NSUN6: variants seen among roughly 807,000 people sequenced by gnomAD.
The protein encoded by NSUN6 is tRNA (cytosine(72)-C(5))-methyltransferase NSUN6.
In NSUN6, 64 loss-of-function variants were observed where a neutral mutation model predicts 58.0. That is an observed-to-expected ratio of 1.10 (90% CI 0.90 to 1.36). The LOEUF is 1.36. NSUN6 is among the 40% of genes most tolerant of loss of function. The pLI is 0.00. For missense variants in NSUN6, 701 were observed against 550.1 expected (o/e 1.27, Z -2.74); for synonymous variants, 231 against 193.9 (o/e 1.19, Z -1.59).
At chr10:18,546,444 C>G (rs891099616) in intron 10 of NSUN6, among the ~76,000 whole-genome samples, 1 of 152,164 alleles carries the variant, frequency 6.6e-6, no homozygotes, top group African/African-American at 2.4e-5. Context: ...CAAATTGCAG[C>G]TCTACCACAT....
intron 3 of NSUN6, among the ~76,000 whole-genome samples, chr10:18,640,970 G>C (rs1244466742): frequency 6.6e-6 from 1 of 151,776 alleles, no homozygotes; most frequent in Non-Finnish European, 1.5e-5. Flanking sequence ...GTATGTTACA[G>C]CTTCCAGATG....
rs142666591 is a variant in NSUN6, at chr10:18,559,257, G to A, written c.923-7286C>T. ...TGGGGAATGGAATGGAGAATGTAACGGATGGAGAATGGATTAGAATGTGGA... is the reference window on the plus strand; with the variant it reads ...TGGGGAATGGAATGGAGAATGTAACAGATGGAGAATGGATTAGAATGTGGA... On this transcript the variant is annotated intron_variant, in intron 8 of 10. Transcript: ENST00000377304. Among the ~76,000 whole-genome samples, 162 of 150,806 alleles carry A rather than the reference G, an allele frequency of 1.1e-3. 1 individual carries two copies. Among genetic ancestry groups the A allele is most frequent in the African/African-American group, 3.7e-3 (152 of 41,284 alleles).
intron 8 of NSUN6, among the ~76,000 whole-genome samples, chr10:18,585,588 G>T (rs1322715151): frequency 6.6e-6 from 1 of 152,168 alleles, no homozygotes; most frequent in Non-Finnish European, 1.5e-5. Flanking sequence ...TCTCACTTAA[G>T]TGGGGAATCT....
intron 3 of NSUN6, among the ~76,000 whole-genome samples, chr10:18,626,394 G>C (rs1372976792): frequency 1.2e-4 from 19 of 152,012 alleles, no homozygotes; most frequent in Admixed American, 1.1e-3. Context: ...TAAAAAAACA[G>C]TAAATACAAA....
At chr10:18,580,531 C>A (rs2056858657) in intron 8 of NSUN6, among the ~76,000 whole-genome samples, 2 of 152,154 alleles carry the variant, frequency 1.3e-5, no homozygotes, top group South Asian at 4.1e-4. Flanking sequence ...CTCCACCCAG[C>A]CCCCATTCAT....
intron 6 of NSUN6, among the ~76,000 whole-genome samples, chr10:18,600,952 A>ATATATATACATATATATATATATATG (rs1564784885): frequency 3.2e-5 from 3 of 92,512 alleles, no homozygotes; most frequent in Admixed American, 2.5e-4. Context: ...ATATATATAT[A>ATATATATACATATATATATATATATG]TATATATACA....
intron 8 of NSUN6, among the ~76,000 whole-genome samples, chr10:18,581,552 C>T (rs1392500448): frequency 1.3e-5 from 2 of 152,136 alleles, no homozygotes; most frequent in African/African-American, 2.4e-5. Flanking sequence ...ACAAGCCAGC[C>T]GTGGTGGCTC....
At chr10:18,647,730 T>TG (rs2059587984) in intron 2 of NSUN6, among the ~76,000 whole-genome samples, 1 of 54,256 alleles carries the variant, frequency 1.8e-5, no homozygotes, top group Admixed American at 1.6e-4. Context: ...ACCTTGTTTT[T>TG]TTTTTTTTTT....
chr10:18,656,364 C>T (rs1204593618), upstream of NSUN6, among the ~76,000 whole-genome samples: 2 of 152,148 alleles, frequency 1.3e-5, no homozygotes, highest in Non-Finnish European at 2.9e-5. Context: ...TGGTGAAACC[C>T]CATCTCTACT....
intron 3 of NSUN6, among the ~76,000 whole-genome samples, chr10:18,626,444 T>C (rs1196968555): frequency 1.3e-5 from 2 of 152,000 alleles, no homozygotes; most frequent in African/African-American, 4.8e-5. Flanking sequence ...ACTCCAGTAA[T>C]CTCCTCATTT....
intron 8 of NSUN6, among the ~76,000 whole-genome samples, chr10:18,576,159 T>C (rs1172968211): frequency 6.6e-6 from 1 of 152,102 alleles, no homozygotes; most frequent in Non-Finnish European, 1.5e-5. Flanking sequence ...CTTTGATCTA[T>C]TACTCTTTCT....
intron 1 of NSUN6, among the ~76,000 whole-genome samples, chr10:18,649,107 T>C (rs1292158377): frequency 1.3e-5 from 2 of 152,152 alleles, no homozygotes; most frequent in Non-Finnish European, 2.9e-5. Flanking sequence ...ATTTAAAAAA[T>C]AAGTAATATT....
intron 1 of NSUN6, 38 bp from the exon 2 acceptor site, chr10:18,648,683 A>G (rs748830419): frequency 1.6e-5 from 20 of 1,270,332 alleles, no homozygotes; most frequent in Non-Finnish European, 2.2e-5. Context: ...CTGAGAATTA[A>G]AAACAGTCAG....
At chr10:18,570,178 C>T (rs2056259075) in intron 8 of NSUN6, among the ~76,000 whole-genome samples, 1 of 151,242 alleles carries the variant, frequency 6.6e-6, no homozygotes, top group Admixed American at 6.6e-5. Flanking sequence ...ACTCCATTCT[C>T]CATTCTATTT....
chr10:18,574,819 C>T (rs2056568306), intron 8 of NSUN6, among the ~76,000 whole-genome samples: 1 of 152,074 alleles, frequency 6.6e-6, no homozygotes, highest in African/African-American at 2.4e-5. Context: ...AGCTAATCAC[C>T]CGAGTACTGA....
intron 9 of NSUN6, 45 bp from the exon 10 acceptor site, chr10:18,548,282 A>T (rs1314678116): frequency 2.0e-6 from 3 of 1,537,458 alleles, no homozygotes; most frequent in Non-Finnish European, 2.6e-6. Context: ...AAGACCAGAT[A>T]AACATATGAA....
intron 7 of NSUN6, among the ~76,000 whole-genome samples, chr10:18,586,423 C>T (rs1215939764): frequency 6.6e-6 from 1 of 152,198 alleles, no homozygotes; most frequent in Non-Finnish European, 1.5e-5. Context: ...CATGGTCTCC[C>T]TGACTTCAGG....
intron 6 of NSUN6, among the ~76,000 whole-genome samples, chr10:18,601,504 G>A (rs2057836730): frequency 1.1e-5 from 1 of 89,038 alleles, no homozygotes; most frequent in South Asian, 3.8e-4. Context: ...ACTGAGATGT[G>A]GCAGGAGTAA....
chr10:18,647,540 T>A (rs2059580345), intron 2 of NSUN6, among the ~76,000 whole-genome samples: 1 of 152,168 alleles, frequency 6.6e-6, no homozygotes, highest in Admixed American at 6.5e-5. Context: ...AGATAACTCA[T>A]ACTTTCTGCT....
Sources: allele counts gnomAD v4.1 joint callset (sites outside exome capture counted in the v4.1 genomes callset), GRCh38; gene constraint gnomAD v4.1.1; transcripts MANE v1.5; gene names NCBI Gene and HGNC (gene_info 2026-07-23, HGNC 2026-07-21).